Variants in MROH9 observed in about 807,000 individuals in gnomAD.
MROH9 encodes the protein maestro heat-like repeat-containing protein family member 9.
In MROH9, 92 loss-of-function variants were observed where a neutral mutation model predicts 98.2. That is an observed-to-expected ratio of 0.94 (90% CI 0.79 to 1.11). The LOEUF (loss-of-function observed/expected upper bound fraction) is 1.11. Among genes scored for constraint, MROH9 ranks in the 50% most tolerant of loss-of-function variants. MROH9 has a pLI of 0.00. For synonymous variants in MROH9, 397 were observed against 368.9 expected (o/e 1.08, Z -0.87); for missense variants, 1,057 against 1,014.8 (o/e 1.04, Z -0.57).
chr1:171,029,656 G>C (rs541040201), intron 20 of MROH9, among the ~76,000 whole-genome samples: 10 of 152,242 alleles, frequency 6.6e-5, no homozygotes, highest in African/African-American at 2.2e-4. Flanking sequence ...AACCGATCGT[G>C]GTGGGTAAGT....
chr1:170,954,243 G>T (rs1208642210), intron 3 of MROH9, among the ~76,000 whole-genome samples: 1 of 151,998 alleles, frequency 6.6e-6, no homozygotes, highest in African/African-American at 2.4e-5. Flanking sequence ...CTATTGATTG[G>T]ATAATTTTTC....
At chr1:171,044,682 C>T (rs1653407312) in intron 20 of MROH9, among the ~76,000 whole-genome samples, 1 of 151,982 alleles carries the variant, frequency 6.6e-6, no homozygotes, top group South Asian at 2.1e-4. Context: ...CTTCCTGGTT[C>T]AATCTTGGTA....
chr1:171,026,409 G>A (rs1191416428), intron 20 of MROH9, among the ~76,000 whole-genome samples: 2 of 151,930 alleles, frequency 1.3e-5, no homozygotes, highest in African/African-American at 2.4e-5. Context: ...AGAGTAGCTG[G>A]GATTATAGGC....
Position 170,959,553 on chromosome 1 carries a change from GTAAAAGAA to G in MROH9, c.245_252del (p.Val82AspfsTer6). 6.2e-7 allele frequency: 1 copy of G among 1,613,776 alleles called. No individual in the cohort carries two copies. The highest frequency in any genetic ancestry group is 8.5e-7 in the Non-Finnish European group (1 of 1,179,846). ...AGTTGTCATGCCAAGTCTTGACAAA[GTAAAAGAA>G]ATGGGGAGCAGTTATGAGTACATTG... On this transcript the variant is annotated frameshift_variant, in exon 5 of 22. Coordinates refer to ENST00000367759, the MANE Select transcript of MROH9 (RefSeq NM_001163629.2). LOFTEE classifies it high-confidence loss of function.
At chr1:171,033,689 CT>C (rs1305242590) in intron 20 of MROH9, among the ~76,000 whole-genome samples, 1 of 151,942 alleles carries the variant, frequency 6.6e-6, no homozygotes, top group Non-Finnish European at 1.5e-5. Context: ...TGTTTTTTTC[CT>C]GATGGGAGCC....
At chr1:170,939,752 A>G (rs976568198) in intron 1 of MROH9, among the ~76,000 whole-genome samples, 12 of 152,180 alleles carry the variant, frequency 7.9e-5, no homozygotes, top group Non-Finnish European at 1.6e-4. Context: ...AGCTCAGATC[A>G]CATGGTAACT....
chr1:171,026,499 C>G (rs762045771), intron 20 of MROH9, among the ~76,000 whole-genome samples: 39 of 125,336 alleles, frequency 3.1e-4, no homozygotes, highest in Admixed American at 1.7e-4. Flanking sequence ...GTCTTGAACT[C>G]TGACCTAAAG....
chr1:171,038,270 A>G (rs1362384899), intron 20 of MROH9, among the ~76,000 whole-genome samples: 1 of 152,190 alleles, frequency 6.6e-6, no homozygotes, highest in Non-Finnish European at 1.5e-5. Context: ...CTTAAGCATT[A>G]AAATTTTCAC....
chr1:170,967,847 C>A (rs540071463), intron 7 of MROH9, among the ~76,000 whole-genome samples: 2 of 152,100 alleles, frequency 1.3e-5, no homozygotes, highest in African/African-American at 4.8e-5. Flanking sequence ...TTTTTCCTAG[C>A]TTTGTTCCTT....
intron 17 of MROH9, among the ~76,000 whole-genome samples, chr1:171,017,393 T>C (rs1363469418): frequency 1.3e-5 from 2 of 152,200 alleles, no homozygotes; most frequent in Non-Finnish European, 2.9e-5. Flanking sequence ...GTGAGCATGC[T>C]ACCCAGCCTG....
At chr1:170,957,741 G>A (rs1248905800) in intron 3 of MROH9, among the ~76,000 whole-genome samples, 5 of 150,472 alleles carry the variant, frequency 3.3e-5, no homozygotes, top group South Asian at 4.2e-4. Flanking sequence ...CATAGTGTAA[G>A]TTTAGTCATT....
At position 171,064,558 on chromosome 1, in the gene MROH9, C is replaced by G. The variant is rs1654111189; in HGVS notation, c.*218C>G. ...AGAACTAGTGCCTCTGTATGTCTGACAGTGATCAGAAGCCCTATTTCATCA... is the reference window on the plus strand; with the variant it reads ...AGAACTAGTGCCTCTGTATGTCTGAGAGTGATCAGAAGCCCTATTTCATCA... On this transcript the variant is annotated 3_prime_UTR_variant, in exon 22 of 22. Transcript: ENST00000367759. The G allele has an allele frequency of 2.2e-6, 1 of 460,076 alleles. No homozygotes were observed. The highest frequency in any genetic ancestry group is 2.0e-5 in the African/African-American group (1 of 49,580). The allele number at this position is 460,076 out of a possible 1,614,324, so 28.5% of individuals were successfully genotyped here.
intron 15 of MROH9, among the ~76,000 whole-genome samples, chr1:171,003,194 T>A (rs11488713): frequency 0.089 from 13,512 of 152,216 alleles, 706 homozygotes; most frequent in Middle Eastern, 0.17. Flanking sequence ...CTTTCTCTTG[T>A]CCCTCCCTGA....
At chr1:170,982,991 TTCTCCAGAACTGAAG>T (rs1409562789) in intron 8 of MROH9, among the ~76,000 whole-genome samples, 1 of 152,216 alleles carries the variant, frequency 6.6e-6, no homozygotes, top group Non-Finnish European at 1.5e-5. Context: ...AAAGCTCACC[TTCTCCAGAACTGAAG>T]TTATCTGCAC....
chr1:171,005,654 C>T (rs1261360604), intron 15 of MROH9, among the ~76,000 whole-genome samples: 3 of 152,106 alleles, frequency 2.0e-5, no homozygotes, highest in African/African-American at 7.2e-5. Context: ...ATTTATTACG[C>T]CCAACAGGCA....
chr1:171,016,684 T>C (rs886320309), intron 17 of MROH9, among the ~76,000 whole-genome samples: 2 of 152,152 alleles, frequency 1.3e-5, no homozygotes, highest in Non-Finnish European at 2.9e-5. Context: ...TCTTCAGTCT[T>C]TTGGTGTATC....
At chr1:171,061,258 C>T (rs1395298246) in intron 20 of MROH9, among the ~76,000 whole-genome samples, 1 of 152,090 alleles carries the variant, frequency 6.6e-6, no homozygotes, top group Non-Finnish European at 1.5e-5. Context: ...AAAATGTTAG[C>T]GTACTGTTTG....
intron 17 of MROH9, among the ~76,000 whole-genome samples, chr1:171,020,818 CA>C (rs1478286718): frequency 3.3e-5 from 5 of 152,160 alleles, no homozygotes. Flanking sequence ...GAGAGGAAGT[CA>C]AATTGTCTCT....
intron 20 of MROH9, among the ~76,000 whole-genome samples, chr1:171,056,380 C>G (rs1653837387): frequency 6.6e-6 from 1 of 152,216 alleles, no homozygotes; most frequent in African/African-American, 2.4e-5. Flanking sequence ...AGACTGCAGC[C>G]AGAGGACCTC....
Sources: gnomAD v4.1 joint callset for allele counts (sites outside exome capture counted in the v4.1 genomes callset) on GRCh38, gnomAD v4.1.1 for gene constraint, MANE v1.5 for transcripts, NCBI Gene and HGNC (gene_info 2026-07-23, HGNC 2026-07-21) for gene names.